RANBP2: variants seen among roughly 807,000 people sequenced by gnomAD.
The protein encoded by RANBP2 is RAN binding protein 2.
RANBP2 carries 57 observed loss-of-function variants against 303.6 expected under a neutral mutation model. The ratio of observed to expected loss-of-function variants is 0.19; its 90% CI spans 0.15 to 0.23. RANBP2 has a LOEUF of 0.23. Among genes scored for constraint, RANBP2 ranks in the 10% least tolerant of loss-of-function variants. The pLI is 1.00. For synonymous variants in RANBP2, 1,167 were observed against 1,301.5 expected, an observed-to-expected ratio of 0.90 and a Z score of 2.23; for missense variants, 3,138 against 3,780.8, an observed-to-expected ratio of 0.83 and a Z score of 4.46.
At chr2:109,306,895 C>T in the RANBP2 span, among the ~76,000 whole-genome samples, 141 of 152,238 alleles carry the variant, frequency 9.3e-4, 2 homozygotes, top group African/African-American at 3.3e-3. Flanking sequence ...GTGCGGTGTA[C>T]GGTAGGGCCG....
the RANBP2 span, among the ~76,000 whole-genome samples, chr2:109,132,091 C>T: frequency 6.6e-6 from 1 of 152,174 alleles, no homozygotes; most frequent in African/African-American, 2.4e-5. Flanking sequence ...TTGCTTGACT[C>T]CTGCCAGGAA....
chr2:109,055,676 G>T, the RANBP2 span, among the ~76,000 whole-genome samples: 1 of 150,892 alleles, frequency 6.6e-6, no homozygotes, highest in Non-Finnish European at 1.5e-5. Context: ...GAGCCACCAC[G>T]CCCAGCGGCC....
chr2:109,078,684 A>G, the RANBP2 span, among the ~76,000 whole-genome samples: 1 of 150,620 alleles, frequency 6.6e-6, no homozygotes, highest in Non-Finnish European at 1.5e-5. Flanking sequence ...CACCACACAC[A>G]AAAAGGTGAC....
At chr2:108,733,689 G>A (rs1305651876) in intron 4 of RANBP2, among the ~76,000 whole-genome samples, 2 of 152,062 alleles carry the variant, frequency 1.3e-5, no homozygotes, top group African/African-American at 4.8e-5. Context: ...CCCATATTGG[G>A]CGTGGCAATC....
chr2:108,933,999 CTAATT>C, the RANBP2 span, among the ~76,000 whole-genome samples: 1 of 152,264 alleles, frequency 6.6e-6, no homozygotes, highest in East Asian at 1.9e-4. Context: ...TGAATGGTTT[CTAATT>C]TAATTGACTT....
chr2:109,390,484 C>T, the RANBP2 span, among the ~76,000 whole-genome samples: 1 of 151,600 alleles, frequency 6.6e-6, no homozygotes. Flanking sequence ...GGTCTTAATA[C>T]TGAAATGACA....
intron 1 of RANBP2, among the ~76,000 whole-genome samples, chr2:108,727,669 T>C (rs1187074147): frequency 6.7e-6 from 1 of 149,792 alleles, no homozygotes; most frequent in Non-Finnish European, 1.5e-5. Context: ...AGTGGTGCGA[T>C]CTTGGCCCAC....
the RANBP2 span, chr2:108,882,670 G>A: frequency 6.6e-6 from 1 of 152,074 alleles, no homozygotes; most frequent in African/African-American, 2.4e-5. Context: ...TTCCTTTTCA[G>A]GTCATCCTCC....
the RANBP2 span, among the ~76,000 whole-genome samples, chr2:109,290,528 C>T: frequency 6.6e-6 from 1 of 152,250 alleles, no homozygotes; most frequent in Non-Finnish European, 1.5e-5. Context: ...ACATATTATG[C>T]CTAGCTAGGC....
chr2:109,484,486 A>G, the RANBP2 span, among the ~76,000 whole-genome samples: 1 of 152,034 alleles, frequency 6.6e-6, no homozygotes, highest in Non-Finnish European at 1.5e-5. Context: ...CCTTGGCCAC[A>G]TCACTCACCA....
the RANBP2 span, among the ~76,000 whole-genome samples, chr2:109,726,057 T>TGG: frequency 0.034 from 2,373 of 70,152 alleles, 44 homozygotes; most frequent in Non-Finnish European, 0.056. Flanking sequence ...TTTTTGCTTT[T>TGG]GGTGTGTGTG....
the RANBP2 span, among the ~76,000 whole-genome samples, chr2:109,412,626 C>CA: frequency 6.6e-6 from 1 of 152,218 alleles, no homozygotes; most frequent in South Asian, 2.1e-4. Flanking sequence ...GATCCCCTGA[C>CA]AAAGATGGCA....
At chr2:108,912,595 C>T in the RANBP2 span, 1 of 1,308,952 alleles carries the variant, frequency 7.6e-7, no homozygotes, top group Non-Finnish European at 1.1e-6. Flanking sequence ...AATCATCACT[C>T]ATGATCATTT....
At chr2:109,221,094 C>T in the RANBP2 span, among the ~76,000 whole-genome samples, 10 of 152,168 alleles carry the variant, frequency 6.6e-5, no homozygotes, top group African/African-American at 1.7e-4. Context: ...AGTTATGACA[C>T]GTGCTGCATG....
chr2:109,188,139 A>C, the RANBP2 span, among the ~76,000 whole-genome samples: 1 of 152,242 alleles, frequency 6.6e-6, no homozygotes, highest in Non-Finnish European at 1.5e-5. Flanking sequence ...GGGAAACAAA[A>C]TATGACTTAC....
At chr2:109,155,026 T>C in the RANBP2 span, among the ~76,000 whole-genome samples, 1 of 152,138 alleles carries the variant, frequency 6.6e-6, no homozygotes, top group Non-Finnish European at 1.5e-5. Context: ...GTTCATAAAA[T>C]AGAGTGGAGT....
chr2:108,812,829 G>C, the RANBP2 span: 4 of 1,612,788 alleles, frequency 2.5e-6, no homozygotes, highest in Non-Finnish European at 3.4e-6. Context: ...GAGGAAGTAC[G>C]AGTTTATGAC....
chr2:109,338,587 T>G, the RANBP2 span, among the ~76,000 whole-genome samples: 1 of 152,146 alleles, frequency 6.6e-6, no homozygotes. Context: ...AGACAGAACC[T>G]CACTCTGTTG....
the RANBP2 span, among the ~76,000 whole-genome samples, chr2:108,831,786 G>A: frequency 1.3e-4 from 19 of 150,172 alleles, no homozygotes; most frequent in African/African-American, 2.0e-4. Context: ...AGGCTGGAGC[G>A]CAATGGCATG....
Sources: gnomAD v4.1 joint callset for allele counts (sites outside exome capture counted in the v4.1 genomes callset) on GRCh38, gnomAD v4.1.1 for gene constraint, MANE v1.5 for transcripts, NCBI Gene and HGNC (gene_info 2026-07-23, HGNC 2026-07-21) for gene names.